Variants in AMN observed in about 807,000 individuals in gnomAD.
AMN encodes the protein amnion associated transmembrane protein.
AMN carries 40 observed loss-of-function variants against 49.1 expected under a neutral mutation model. The ratio of observed to expected loss-of-function variants is 0.81; its 90% CI spans 0.63 to 1.06. The LOEUF is 1.06. AMN is among the 50% of genes least tolerant of loss of function. The pLI, the probability that AMN is intolerant of heterozygous loss-of-function variation, is 0.00. For synonymous variants in AMN, 380 were observed against 313.3 expected (o/e 1.21, Z -2.25); for missense variants, 701 against 662.8 (o/e 1.06, Z -0.63).
chr14:102,923,438 G>C, intron 1 of AMN: 1 of 478,852 alleles, frequency 2.1e-6, no homozygotes, highest in Non-Finnish European at 3.8e-6. Flanking sequence ...CAAACTGGGG[G>C]CAGTGCCGGG....
In AMN at chr14:102,926,550, A is replaced by G. The variant is rs1248407690; in HGVS notation, c.208-1876A>G. Among the ~76,000 whole-genome samples the G allele has an allele frequency of 2.0e-5, 3 of 151,904 alleles. No homozygotes were observed. In the South Asian group the frequency reaches 6.2e-4, roughly 32 times the overall value. On this transcript the variant is annotated intron_variant, in intron 3 of 11. Coordinates refer to ENST00000299155, the MANE Select transcript of AMN (RefSeq NM_030943.4). ...AATTGTAGAATAGGTTTGCCAGGTA[A>G]CAACTACCACCACCACCACCAAAAA...
At position 102,930,435 on chromosome 14, in the gene AMN, C is replaced by A; in HGVS notation, c.1199C>A (p.Ala400Asp). 1 of 1,523,516 alleles carries A rather than the reference C, an allele frequency of 6.6e-7. No individual in the cohort carries two copies. The highest frequency in any genetic ancestry group is 8.8e-7 in the Non-Finnish European group (1 of 1,140,660). 94.4% of individuals were successfully genotyped at this position (1,523,516 alleles called of 1,614,324 possible). The change falls in exon 11 of 12, where the codon GCT becomes GAT. Residue 400 changes from alanine (A) to aspartate (D), a missense_variant. Transcript: ENST00000299155. ...RWRRHEAAAPAGAPLGFRNPV... is the reference protein window; with the variant it reads ...RWRRHEAAAPDGAPLGFRNPV... ...AGGAGGCACGAGGCGGCGGCCCCGGCTGGAGCGCCCCTCGGCTTCCGCAAC... is the reference window on the plus strand; with the variant it reads ...AGGAGGCACGAGGCGGCGGCCCCGGATGGAGCGCCCCTCGGCTTCCGCAAC...
At chr14:102,923,005 G>A (rs1891095123) in intron 1 of AMN, 3 of 479,070 alleles carry the variant, frequency 6.3e-6, no homozygotes, top group South Asian at 2.7e-5. Flanking sequence ...CTGCCCTCGC[G>A]GTTTTTCCGT....
rs1295051716 is a variant in AMN, at chr14:102,930,311, C to T, written c.1153C>T (p.Arg385Cys). 14 of 1,376,306 alleles carry T rather than the reference C, an allele frequency of 1.0e-5. No individual in the cohort carries two copies. Among genetic ancestry groups the T allele is most frequent in the Non-Finnish European group, 1.2e-5 (13 of 1,073,226 alleles). The allele number at this position is 1,376,306 out of a possible 1,614,324, so 85.3% of individuals were successfully genotyped here. A position where few individuals can be genotyped will look rare whatever the true frequency, so the allele number is the denominator to read the frequency against. Residue 385 changes from arginine to cysteine, a missense_variant, in exon 10 of 12, where the codon CGC (arginine) becomes TGC (cysteine). By Grantham distance (180) the Arg-to-Cys change is radical. Coordinates refer to ENST00000299155, the MANE Select transcript of AMN (RefSeq NM_030943.4). ...GCTGGTGGCGCCGCCGCTGCTGCGC[C>T]GCGCGGGGAGGCTCAGGTACGCGGG... ...VLLVAPPLLRRAGRLRWRRHE... is the reference protein window; with the variant it reads ...VLLVAPPLLRCAGRLRWRRHE...
Position 102,930,147 on chromosome 14 carries a change from C to A in AMN, c.1007-18C>A. On this transcript the variant is annotated intron_variant, in intron 9 of 11. Coordinates refer to ENST00000299155, the MANE Select transcript of AMN (RefSeq NM_030943.4). ...TCGCCCCGCCGCGGGGAAGACTGAG[C>A]CGGCCCCTCCGTCGCAGGCGAGGCC... 6.7e-7 allele frequency: 1 copy of A among 1,493,660 alleles called. No homozygotes were observed. The highest frequency in any genetic ancestry group is 8.9e-7 in the Non-Finnish European group (1 of 1,128,294). The allele number at this position is 1,493,660 out of a possible 1,614,324, so 92.5% of individuals were successfully genotyped here.
In AMN at chr14:102,929,706, G is replaced by A; in HGVS notation, c.812G>A (p.Arg271Gln). 6.4e-7 allele frequency: 1 copy of A among 1,551,172 alleles called. No homozygotes were observed. The highest frequency in any genetic ancestry group is 8.7e-7 in the Non-Finnish European group (1 of 1,147,726). The change falls in exon 8 of 12, where the codon CGG (arginine) becomes CAG (glutamine). Residue 271 changes from arginine (R) to glutamine (Q), a missense_variant. Coordinates refer to ENST00000299155, the MANE Select transcript of AMN (RefSeq NM_030943.4). ...CCCGCATTTGACCTGGAGCGGTACC[G>A]GGCGCGGATACTGGACACCTTCCTG... is the stretch of plus-strand genomic sequence containing the variant. Reference protein sequence around the residue: ...HGPAFDLERYRARILDTFLGL... With the variant: ...HGPAFDLERYQARILDTFLGL...
chr14:102,923,527 C>A, intron 1 of AMN, 184 bp from the exon 2 acceptor site: 1 of 638,098 alleles, frequency 1.6e-6, no homozygotes, highest in Admixed American at 2.5e-5. Flanking sequence ...TGGAGAGCGC[C>A]CGGGCAGGGC....
In AMN at chr14:102,930,634, G is replaced by GT. The variant is rs1195175622; in HGVS notation, c.1318dup (p.Tyr440LeufsTer?). Reference sequence around the variant, plus strand: ...GCGGCCGCAGACAGCACCAGCCACAGTTACTTCGTCAACCCTCTGTTCGCC... The same window carrying GT: ...GCGGCCGCAGACAGCACCAGCCACAGTTTACTTCGTCAACCCTCTGTTCGCC... On this transcript the variant is annotated frameshift_variant, in exon 12 of 12. Transcript: ENST00000299155. LOFTEE classifies it high-confidence loss of function. 6.2e-7 allele frequency: 1 copy of GT among 1,601,166 alleles called. No homozygotes were observed. The highest frequency in any genetic ancestry group is 8.5e-7 in the Non-Finnish European group (1 of 1,175,166).
chr14:102,927,606 C>T (rs1431098266), intron 3 of AMN, among the ~76,000 whole-genome samples: 1 of 152,186 alleles, frequency 6.6e-6, no homozygotes, highest in Non-Finnish European at 1.5e-5. Flanking sequence ...CTGGAAGGGC[C>T]GAAGAGTGGG....
chr14:102,929,874 C>T (rs1891292989), intron 8 of AMN, 50 bp from the exon 9 acceptor site: 3 of 1,548,766 alleles, frequency 1.9e-6, no homozygotes, highest in South Asian at 2.4e-5. Context: ...TCCCCATAGG[C>T]TCGGGGAGGG....
At chr14:102,923,662 A>G (rs962401620) in intron 1 of AMN, 49 bp from the exon 2 acceptor site, 41 of 1,530,646 alleles carry the variant, frequency 2.7e-5, no homozygotes, top group Non-Finnish European at 3.7e-5. Context: ...TTCCCTGAGA[A>G]GGGAGCATCC....
chr14:102,925,449 C>T lies in AMN; in HGVS notation c.207+1470C>T, dbSNP rs182547380. Among the ~76,000 whole-genome samples, 53 of 152,324 alleles carry T rather than the reference C, an allele frequency of 3.5e-4. No homozygotes were observed. The East Asian group carries it at 4.1e-3, about 12-fold the overall frequency. On this transcript the variant is annotated intron_variant, in intron 3 of 11. Coordinates refer to ENST00000299155, the MANE Select transcript of AMN (RefSeq NM_030943.4). ...ACAGCAAGATGGCGACGCTCCCACC[C>T]GGGAAACAGGAGGAGGGCAGGGAGA...
In AMN at chr14:102,930,344, C is replaced by T; in HGVS notation, c.1169+17C>T. On this transcript the variant is annotated intron_variant, in intron 10 of 11. Transcript: ENST00000299155. ...GAGGCTCAGGTACGCGGGGCGGGGG[C>T]GCGGAGGTGGGGCTGGGGGTTGCTC... 7.1e-7 allele frequency: 1 copy of T among 1,411,988 alleles called. No homozygotes were observed. Among genetic ancestry groups the T allele is most frequent in the Non-Finnish European group, 9.2e-7 (1 of 1,090,536 alleles). The allele number at this position is 1,411,988 out of a possible 1,614,324, so 87.5% of individuals were successfully genotyped here.
chr14:102,923,683 C>T, intron 1 of AMN, 28 bp from the exon 2 acceptor site: 2 of 1,580,624 alleles, frequency 1.3e-6, no homozygotes, highest in Non-Finnish European at 1.7e-6. Context: ...CGGAGAGCAT[C>T]CCGGGCACTC....
chr14:102,923,461 C>T, intron 1 of AMN: 1 of 515,012 alleles, frequency 1.9e-6, no homozygotes, highest in South Asian at 2.0e-5. Flanking sequence ...GCTATCTAGG[C>T]AGGCGTCCTG....
At position 102,928,966 on chromosome 14, in the gene AMN, T is replaced by A. The variant is rs1891260703; in HGVS notation, c.504T>A (p.Ala168=). Residue 168 remains alanine, a synonymous_variant, in exon 5 of 12, where the codon GCT becomes GCA. Coordinates refer to ENST00000299155, the MANE Select transcript of AMN (RefSeq NM_030943.4). ...ASPVRVRSIS[A]LGRTFTRDED... ...CCGTGCGTGTCCGCAGCATCTCGGC[T>A]CTGGGCCGGGTGAGCACTGAGGGGA... 1.3e-6 allele frequency: 2 copies of A among 1,598,896 alleles called. No homozygotes were observed. The highest frequency in any genetic ancestry group is 1.7e-6 in the Non-Finnish European group (2 of 1,179,506).
Position 102,930,451 on chromosome 14 carries a change from C to T in AMN, c.1215C>T (p.Gly405=), listed in dbSNP as rs1231820924. ...EAAAPAGAPL[G]FRNPVFDVTA... is the part of the protein sequence containing the mutation. ...CGGCCCCGGCTGGAGCGCCCCTCGG[C>T]TTCCGCAACCCGGTGTTCGACGTGA... The change falls in exon 11 of 12, where the codon GGC becomes GGT. Residue 405 remains glycine, a synonymous_variant. Coordinates refer to ENST00000299155, the MANE Select transcript of AMN (RefSeq NM_030943.4). 2.6e-6 allele frequency: 4 copies of T among 1,527,896 alleles called. No homozygotes were observed. Among genetic ancestry groups the T allele is most frequent in the Non-Finnish European group, 3.5e-6 (4 of 1,141,632 alleles). 94.6% of individuals were successfully genotyped at this position (1,527,896 alleles called of 1,614,324 possible). A position where few individuals can be genotyped will look rare whatever the true frequency, so the allele number is the denominator to read the frequency against.
In AMN at chr14:102,930,176, G is replaced by T; in HGVS notation, c.1018G>T (p.Gly340Cys). Residue 340 changes from glycine (G) to cysteine (C), a missense_variant, in exon 10 of 12, where the codon GGC (glycine) becomes TGC (cysteine). Physicochemically the swap from Gly to Cys is radical, Grantham distance 159 (BLOSUM62 -3). Coordinates refer to ENST00000299155, the MANE Select transcript of AMN (RefSeq NM_030943.4). ...CCCCTCCGTCGCAGGCGAGGCCCTC[G>T]GCGTCCTGGAGGCGACCATGCGGGA... Reference protein sequence around the residue: ...ADVAENGEALGVLEATMRESG... With the variant: ...ADVAENGEALCVLEATMRESG... 1 of 1,487,584 alleles carries T rather than the reference G, an allele frequency of 6.7e-7. No individual in the cohort carries two copies. Among genetic ancestry groups the T allele is most frequent in the South Asian group, 1.3e-5 (1 of 79,154 alleles). The allele number at this position is 1,487,584 out of a possible 1,614,324, so 92.1% of individuals were successfully genotyped here. A position where few individuals can be genotyped will look rare whatever the true frequency, so the allele number is the denominator to read the frequency against.
In AMN at chr14:102,929,102, G is replaced by A. The variant is rs761683306; in HGVS notation, c.514-19G>A. ...TCTCTTCCTCGGGCTGGCTCCGGTG[G>A]GGACCCGGCTGCCCGCAGACGTTCA... On this transcript the variant is annotated intron_variant, in intron 5 of 11. Coordinates refer to ENST00000299155, the MANE Select transcript of AMN (RefSeq NM_030943.4). 5.0e-6 allele frequency: 8 copies of A among 1,597,618 alleles called. No homozygotes were observed. Among genetic ancestry groups the A allele is most frequent in the Non-Finnish European group, 5.9e-6 (7 of 1,179,628 alleles).
Sources: gnomAD v4.1 joint callset for allele counts (sites outside exome capture counted in the v4.1 genomes callset) on GRCh38, gnomAD v4.1.1 for gene constraint, MANE v1.5 for transcripts, NCBI Gene and HGNC (gene_info 2026-07-23, HGNC 2026-07-21) for gene names.